TFEC: variants seen among roughly 807,000 people sequenced by gnomAD.
TFEC encodes the protein transcription factor EC, also known as class E basic helix-loop-helix protein 34.
In TFEC, 31 loss-of-function variants were observed where a neutral mutation model predicts 41.6. That is an observed-to-expected ratio of 0.74 (90% confidence interval 0.56 to 1.01). The LOEUF (loss-of-function observed/expected upper bound fraction) is 1.01, where lower values mean the gene tolerates loss of function less well. Ranked by LOEUF, TFEC falls within the 50% of genes least tolerant of loss-of-function variation. The pLI is 0.00. For missense variants in TFEC, 402 were observed against 404.1 expected (o/e 0.99, Z 0.04); for synonymous variants, 143 against 140.6 (o/e 1.02, Z -0.12).
At chr7:116,097,303 G>T (rs1270348258) in intron 3 of TFEC, among the ~76,000 whole-genome samples, 1 of 152,096 alleles carries the variant, frequency 6.6e-6, no homozygotes, top group African/African-American at 2.4e-5. Context: ...GCCTGAAACT[G>T]CATTAGTACT....
At chr7:116,069,432 T>C (rs1236579081) in intron 3 of TFEC, among the ~76,000 whole-genome samples, 1 of 151,656 alleles carries the variant, frequency 6.6e-6, no homozygotes, top group African/African-American at 2.4e-5. Context: ...ACATATTCCT[T>C]CTTTCTGCTG....
intron 3 of TFEC, among the ~76,000 whole-genome samples, chr7:116,072,815 C>T (rs913719241): frequency 4.0e-5 from 6 of 151,402 alleles, no homozygotes; most frequent in African/African-American, 1.5e-4. Context: ...GGAACTTCTT[C>T]AACTTAATAT....
Position 115,938,721 on chromosome 7 carries a change from C to T in TFEC, c.*1830G>A, listed in dbSNP as rs951789234. The T allele has an allele frequency of 2.6e-5, 4 of 151,838 alleles. No homozygotes were observed. The highest frequency in any genetic ancestry group is 9.7e-5 in the African/African-American group (4 of 41,392). The allele number at this position is 151,838 out of a possible 1,614,324, so 9.4% of individuals were successfully genotyped here. ...GATCCTTTCAAAATTTATCCCAAAG[C>T]TTAATATTCATGAAAGATTACATCT... On this transcript the variant is annotated 3_prime_UTR_variant, in exon 8 of 8. Coordinates refer to ENST00000265440, the MANE Select transcript of TFEC (RefSeq NM_012252.4).
chr7:116,158,895 A>G lies in TFEC; in HGVS notation c.-69+895T>C, dbSNP rs79702547. Among the ~76,000 whole-genome samples, 350 of 152,152 alleles carry G rather than the reference A, an allele frequency of 2.3e-3. 9 individuals are homozygous for G. In the East Asian group the frequency reaches 0.06, roughly 26 times the overall value. ...CATATTAAAAAGATGAAGTAACAAA[A>G]ATGTACAAAGATTTCTTCATTTTTG... On this transcript the variant is annotated intron_variant, in intron 1 of 8. Transcript: ENST00000484212.
intron 3 of TFEC, chr7:116,110,635 AACAG>A (rs1156820084): frequency 6.4e-6 from 7 of 1,092,866 alleles, no homozygotes; most frequent in East Asian, 3.2e-5. Flanking sequence ...GTACAATTAA[AACAG>A]ACAGATTTTC....
intron 3 of TFEC, among the ~76,000 whole-genome samples, chr7:116,085,521 G>T (rs1308478921): frequency 6.6e-6 from 1 of 151,836 alleles, no homozygotes; most frequent in Non-Finnish European, 1.5e-5. Flanking sequence ...CCATTAAACA[G>T]ATACTAAAAT....
intron 1 of TFEC, among the ~76,000 whole-genome samples, chr7:116,134,017 C>A (rs1798387444): frequency 6.6e-6 from 1 of 152,136 alleles, no homozygotes; most frequent in Non-Finnish European, 1.5e-5. Context: ...CAAGAGATAG[C>A]AGGCCAGTCA....
At chr7:115,996,307 G>A (rs1794365048) in intron 1 of TFEC, among the ~76,000 whole-genome samples, 3 of 151,960 alleles carry the variant, frequency 2.0e-5, no homozygotes, top group Admixed American at 6.5e-5. Context: ...CCTAGCTCAT[G>A]GCCATTTCTA....
intron 2 of TFEC, among the ~76,000 whole-genome samples, chr7:116,111,743 A>G (rs909236851): frequency 6.6e-6 from 1 of 151,866 alleles, no homozygotes; most frequent in Non-Finnish European, 1.5e-5. Context: ...GGCCCTAAAA[A>G]CTCCCATATT....
In TFEC at chr7:116,002,943, A is replaced by G. The variant is rs567420065; in HGVS notation, c.-72-18430T>C. Among the ~76,000 whole-genome samples, 10 of 152,308 alleles carry G rather than the reference A, an allele frequency of 6.6e-5. No individual in the cohort carries two copies. In the South Asian group the frequency reaches 2.1e-3, roughly 32 times the overall value. ...TATGTTAAGAAAGAAGAGCAAATGA[A>G]ATCATATAAAATGCTCAATTAAAAC... On this transcript the variant is annotated intron_variant, in intron 1 of 7. Transcript: ENST00000265440.
At chr7:116,095,938 G>C (rs1427745244) in intron 3 of TFEC, among the ~76,000 whole-genome samples, 1 of 151,886 alleles carries the variant, frequency 6.6e-6, no homozygotes, top group Non-Finnish European at 1.5e-5. Flanking sequence ...TTCATCTGTT[G>C]CCTTTGCAAC....
At chr7:116,154,069 C>T (rs1798819490) in intron 1 of TFEC, among the ~76,000 whole-genome samples, 1 of 152,170 alleles carries the variant, frequency 6.6e-6, no homozygotes, top group Non-Finnish European at 1.5e-5. Context: ...GCCAGCTAAC[C>T]ATTGCCTTGA....
intron 3 of TFEC, among the ~76,000 whole-genome samples, chr7:116,064,060 G>T (rs2130999677): frequency 6.6e-6 from 1 of 152,254 alleles, no homozygotes; most frequent in Admixed American, 6.5e-5. Context: ...GAGTAGAACT[G>T]GGGTTTCCTG....
At chr7:115,956,653 G>T (rs779035380) in intron 4 of TFEC, 26 bp downstream of exon 4, 2 of 1,524,714 alleles carry the variant, frequency 1.3e-6, no homozygotes, top group South Asian at 1.2e-5. Context: ...AAAATAAAAA[G>T]GGTAAAACTA....
intron 3 of TFEC, among the ~76,000 whole-genome samples, chr7:116,079,930 G>A (rs1325592000): frequency 6.6e-6 from 1 of 151,706 alleles, no homozygotes; most frequent in East Asian, 1.9e-4. Flanking sequence ...ACTTCAAAAG[G>A]TACTACAAGG....
At chr7:116,004,537 A>G (rs572417176) in intron 1 of TFEC, among the ~76,000 whole-genome samples, 1 of 152,340 alleles carries the variant, frequency 6.6e-6, no homozygotes, top group East Asian at 1.9e-4. Flanking sequence ...AGAGAAGGGT[A>G]GGCATGTGTC....
intron 4 of TFEC, 134 bp from the exon 5 acceptor site, chr7:115,954,776 A>C (rs1792133996): frequency 1.5e-6 from 1 of 645,390 alleles, no homozygotes; most frequent in Non-Finnish European, 2.5e-6. Flanking sequence ...TTTTGATGCA[A>C]ATATTCAGAA....
intron 3 of TFEC, among the ~76,000 whole-genome samples, chr7:115,958,763 T>A (rs544722303): frequency 6.6e-6 from 1 of 152,020 alleles, no homozygotes; most frequent in Non-Finnish European, 1.5e-5. Flanking sequence ...TTGTCTAATT[T>A]ATGCCCTAAA....
chr7:116,132,098 T>C (rs996866735), intron 1 of TFEC, among the ~76,000 whole-genome samples: 2 of 152,144 alleles, frequency 1.3e-5, no homozygotes, highest in Admixed American at 6.6e-5. Flanking sequence ...GTATGCTGTT[T>C]CCCCTAGATC....
Sources: allele counts gnomAD v4.1 joint callset (sites outside exome capture counted in the v4.1 genomes callset), GRCh38; gene constraint gnomAD v4.1.1; transcripts MANE v1.5; gene names NCBI Gene and HGNC (gene_info 2026-07-23, HGNC 2026-07-21).